The following BEST3 variants were observed in gnomAD, a reference collection of about 807,000 sequenced individuals.
BEST3 encodes the protein bestrophin 3, also known as bestrophin-3.
Under a neutral mutation model 47.1 loss-of-function variants are expected in BEST3, and 50 were observed. The observed-to-expected ratio is 1.06, with a 90% CI of 0.85 to 1.34. BEST3 has a LOEUF of 1.34. Among genes scored for constraint, BEST3 ranks in the 40% most tolerant of loss-of-function variants. The pLI is 0.00. For synonymous variants in BEST3, 282 were observed against 298.8 expected, an observed-to-expected ratio of 0.94 and a Z score of 0.58; for missense variants, 765 against 817.0, an observed-to-expected ratio of 0.94 and a Z score of 0.78.
At chr12:69,691,790 C>CA (rs1440586286) in intron 4 of BEST3, among the ~76,000 whole-genome samples, 8 of 151,846 alleles carry the variant, frequency 5.3e-5, no homozygotes, top group Non-Finnish European at 7.4e-5. Flanking sequence ...GACTCTGTCT[C>CA]AAAAAAAATA....
At chr12:69,687,989 G>A (rs1376626725) in intron 4 of BEST3, among the ~76,000 whole-genome samples, 1 of 152,204 alleles carries the variant, frequency 6.6e-6, no homozygotes, top group Non-Finnish European at 1.5e-5. Context: ...ATAAACCTTT[G>A]TTGCATGAGC....
chr12:69,684,981 G>GTTATA (rs1555208084), intron 4 of BEST3, among the ~76,000 whole-genome samples: 1 of 142,092 alleles, frequency 7.0e-6, no homozygotes, highest in Non-Finnish European at 1.5e-5. Context: ...GCTTTCTGCT[G>GTTATA]TTCTATTCTA....
At chr12:69,688,608 G>A (rs1211888405) in intron 4 of BEST3, among the ~76,000 whole-genome samples, 1 of 152,220 alleles carries the variant, frequency 6.6e-6, no homozygotes, top group African/African-American at 2.4e-5. Context: ...ATGTGACCTA[G>A]TTCAACCAGC....
At chr12:69,650,068 C>T (rs11177768), downstream of BEST3, among the ~76,000 whole-genome samples, 63,912 of 152,034 alleles carry the variant, frequency 0.42, 15,382 homozygotes, top group Middle Eastern at 0.59. Context: ...ACGTAATCTC[C>T]AAACTGAATT....
At chr12:69,658,148 C>T (rs1039086044) in intron 9 of BEST3, among the ~76,000 whole-genome samples, 2 of 152,142 alleles carry the variant, frequency 1.3e-5, no homozygotes, top group African/African-American at 4.8e-5. Flanking sequence ...ATAGGACAGG[C>T]GTCTGTCTTC....
At chr12:69,687,119 G>A (rs1196718446) in intron 4 of BEST3, 4 of 152,206 alleles carry the variant, frequency 2.6e-5, no homozygotes, top group African/African-American at 9.7e-5. Context: ...GAGTTGTTTG[G>A]CTTTTAAGCA....
chr12:69,669,554 T>A (rs1300470728), intron 9 of BEST3: 1 of 152,220 alleles, frequency 6.6e-6, no homozygotes, highest in Admixed American at 6.5e-5. Context: ...CCAGGGTAAG[T>A]TTAATATGAA....
intron 9 of BEST3, among the ~76,000 whole-genome samples, chr12:69,658,892 T>C (rs1368023121): frequency 3.3e-5 from 5 of 152,150 alleles, no homozygotes; most frequent in Non-Finnish European, 1.5e-5. Context: ...GGTTGTGGGA[T>C]GTGAACTTTA....
intron 5 of BEST3, 21 bp from the exon 6 acceptor site, chr12:69,677,278 G>A: frequency 6.3e-7 from 1 of 1,594,966 alleles, no homozygotes; most frequent in Non-Finnish European, 8.6e-7. Context: ...AACAGATCAA[G>A]CATGATTTAC....
intron 2 of BEST3, among the ~76,000 whole-genome samples, chr12:69,696,995 A>T (rs984157715): frequency 1.3e-5 from 2 of 152,158 alleles, no homozygotes; most frequent in African/African-American, 4.8e-5. Context: ...CTTGGACTTG[A>T]TATTGCTCAA....
At position 69,654,995 on chromosome 12, in the gene BEST3, G is replaced by C; in HGVS notation, c.1919C>G (p.Ser640Cys). Reference protein sequence around the residue: ...INIVAGSRVSSDMLYLMENLD... With the variant: ...INIVAGSRVSCDMLYLMENLD... The stretch of plus-strand genomic sequence containing the variant: ...GTTTTCCATTAAATACAGCATATCA[G>C]AAGAGACTCGAGAGCCAGCCACAAT... Residue 640 changes from serine (S) to cysteine (C), a missense_variant, in exon 10 of 10, where the codon TCT (serine) becomes TGT (cysteine). By Grantham distance (112) the Ser-to-Cys change is moderately radical. Transcript: ENST00000330891. 6.2e-7 allele frequency: 1 copy of C among 1,614,068 alleles called. No homozygotes were observed. Among genetic ancestry groups the C allele is most frequent in the Non-Finnish European group, 8.5e-7 (1 of 1,180,014 alleles).
intron 8 of BEST3, among the ~76,000 whole-genome samples, chr12:69,672,185 C>T (rs145251568): frequency 9.2e-5 from 14 of 152,302 alleles, no homozygotes; most frequent in Non-Finnish European, 2.1e-4. Flanking sequence ...AGGCATTATG[C>T]GTCCTCCCTA....
At chr12:69,670,582 AAAGTAG>A (rs1565829522) in intron 9 of BEST3, 1 of 702,498 alleles carries the variant, frequency 1.4e-6, no homozygotes, top group East Asian at 2.7e-5. Flanking sequence ...AGATCTCCTG[AAAGTAG>A]AAGGAGGAGG....
At chr12:69,657,675 T>C (rs1883593069) in intron 9 of BEST3, among the ~76,000 whole-genome samples, 1 of 152,152 alleles carries the variant, frequency 6.6e-6, no homozygotes, top group African/African-American at 2.4e-5. Context: ...CGGGTGCATT[T>C]TATGTGACAT....
intron 9 of BEST3, among the ~76,000 whole-genome samples, chr12:69,657,544 T>G (rs1333025059): frequency 6.6e-6 from 1 of 152,190 alleles, no homozygotes; most frequent in African/African-American, 2.4e-5. Context: ...TAATGGGGTT[T>G]GAAGAACAAC....
downstream of BEST3, among the ~76,000 whole-genome samples, chr12:69,651,412 G>A (rs1019649113): frequency 6.6e-6 from 1 of 152,152 alleles, no homozygotes; most frequent in Non-Finnish European, 1.5e-5. Flanking sequence ...ATAACTCATG[G>A]CCACTTGGGC....
Position 69,677,019 on chromosome 12 carries a change from C to A in BEST3, c.764G>T (p.Arg255Leu). The change falls in exon 7 of 10, where the codon CGC becomes CTC. Residue 255 changes from arginine to leucine, a missense_variant. Transcript: ENST00000330891. ...GCCTTTGGTGGGATCCAAAAACTGG[C>A]GTCCAATCAGGCACGCAAAGAAGAA... The part of the protein sequence containing the change: ...YTFFFACLIG[R>L]QFLDPTKGYA... 4 of 1,614,114 alleles carry A rather than the reference C, an allele frequency of 2.5e-6. No individual in the cohort carries two copies. The highest frequency in any genetic ancestry group is 3.4e-6 in the Non-Finnish European group (4 of 1,180,018).
At position 69,693,876 on chromosome 12, in the gene BEST3, C is replaced by G. The variant is rs867112476; in HGVS notation, c.279G>C (p.Trp93Cys). The change falls in exon 4 of 10, where the codon TGG (tryptophan) becomes TGC (cysteine). Residue 93 changes from tryptophan to cysteine, a missense_variant. Coordinates refer to ENST00000330891, the MANE Select transcript of BEST3 (RefSeq NM_032735.3). ...AGGGCAAATTCACAAACTGGTTCCA[C>G]CATCGGTTCACTACCAGAGTAACAT... ...GFYVTLVVNR[W>C]WNQFVNLPWP... is the part of the protein sequence containing the mutation. 6 of 1,610,660 alleles carry G rather than the reference C, an allele frequency of 3.7e-6. No homozygotes were observed. The highest frequency in any genetic ancestry group is 4.2e-6 in the Non-Finnish European group (5 of 1,177,712).
At chr12:69,647,331 C>T (rs1883070177) in intron 9 of BEST3, among the ~76,000 whole-genome samples, 1 of 152,142 alleles carries the variant, frequency 6.6e-6, no homozygotes. Context: ...AAGAGTTGGC[C>T]GATTTTTAGT....
Sources: allele counts gnomAD v4.1 joint callset (sites outside exome capture counted in the v4.1 genomes callset), GRCh38; gene constraint gnomAD v4.1.1; transcripts MANE v1.5; gene names NCBI Gene and HGNC (gene_info 2026-07-23, HGNC 2026-07-21).